G3BP2: variants seen among roughly 807,000 people sequenced by gnomAD.
G3BP2 encodes the protein ras GTPase-activating protein-binding protein 2.
Under a neutral mutation model 56.7 loss-of-function variants are expected in G3BP2, and 11 were observed. That is an observed-to-expected ratio of 0.19 (90% CI 0.12 to 0.32). The LOEUF (loss-of-function observed/expected upper bound fraction) is 0.32, where lower values mean the gene tolerates loss of function less well. Ranked by LOEUF, G3BP2 falls within the 10% of genes least tolerant of loss-of-function variation. The pLI, the probability that G3BP2 is intolerant of heterozygous loss-of-function variation, is 1.00. For missense variants in G3BP2, 340 were observed against 610.9 expected (o/e 0.56, Z 4.67); for synonymous variants, 165 against 191.6 (o/e 0.86, Z 1.15).
At chr4:75,721,601 A>T (rs551562379) in intron 2 of G3BP2, among the ~76,000 whole-genome samples, 1 of 152,264 alleles carries the variant, frequency 6.6e-6, no homozygotes, top group East Asian at 1.9e-4. Context: ...CCAAAATAAT[A>T]AATAAATAAA....
At chr4:75,701,607 T>C (rs1483714106) in intron 3 of G3BP2, among the ~76,000 whole-genome samples, 1 of 152,110 alleles carries the variant, frequency 6.6e-6, no homozygotes, top group East Asian at 1.9e-4. Context: ...TTTGTATTTT[T>C]AGTAGGGATG....
At chr4:75,711,650 C>A (rs6857983) in intron 3 of G3BP2, among the ~76,000 whole-genome samples, 23,062 of 151,280 alleles carry the variant, frequency 0.15, 2,426 homozygotes, top group African/African-American at 0.3. Flanking sequence ...GAGGCGGAAG[C>A]TGCAGTGAGC....
chr4:75,678,906 G>A (rs189072386), intron 3 of G3BP2, among the ~76,000 whole-genome samples: 11 of 152,326 alleles, frequency 7.2e-5, no homozygotes, highest in Admixed American at 6.5e-4. Context: ...GGCACTTAAT[G>A]TTTGGTTCTT....
At chr4:75,663,795 G>C (rs1732763514) in intron 1 of G3BP2, among the ~76,000 whole-genome samples, 1 of 8,540 alleles carries the variant, frequency 1.2e-4, no homozygotes, top group Admixed American at 1.2e-3. Context: ...GGAGGCGGAG[G>C]TTGCAGTGAA....
chr4:75,720,145 T>C (rs957139483), intron 3 of G3BP2, among the ~76,000 whole-genome samples: 1 of 151,196 alleles, frequency 6.6e-6, no homozygotes, highest in Non-Finnish European at 1.5e-5. Flanking sequence ...GCTGGAATGA[T>C]AGGCCACCAC....
chr4:75,647,412 A>T (rs1403169506), intron 9 of G3BP2, among the ~76,000 whole-genome samples: 1 of 152,236 alleles, frequency 6.6e-6, no homozygotes, highest in Non-Finnish European at 1.5e-5. Flanking sequence ...ACAAAAATCA[A>T]ATATTAGTAC....
chr4:75,652,240 G>A (rs1275150472), intron 8 of G3BP2, among the ~76,000 whole-genome samples: 3 of 152,148 alleles, frequency 2.0e-5, no homozygotes, highest in African/African-American at 4.8e-5. Context: ...AAGAGACTAG[G>A]ATTTAATCAG....
intron 3 of G3BP2, among the ~76,000 whole-genome samples, chr4:75,679,787 C>T (rs775615249): frequency 1.6e-4 from 25 of 152,278 alleles, no homozygotes; most frequent in Admixed American, 3.9e-4. Flanking sequence ...TGAATTCTAA[C>T]GGATTCCATT....
At chr4:75,681,932 GT>G (rs1393636765) in intron 3 of G3BP2, among the ~76,000 whole-genome samples, 5 of 152,050 alleles carry the variant, frequency 3.3e-5, no homozygotes, top group African/African-American at 1.2e-4. Context: ...TAAAGTAAGG[GT>G]TACCTGAACA....
At chr4:75,691,778 T>C (rs986901875) in intron 3 of G3BP2, among the ~76,000 whole-genome samples, 2 of 152,136 alleles carry the variant, frequency 1.3e-5, no homozygotes, top group African/African-American at 2.4e-5. Flanking sequence ...GGGTGCAATA[T>C]AGGTATACAA....
In G3BP2 at chr4:75,648,744, A is replaced by G. The variant is rs1245057829; in HGVS notation, c.826-3T>C. ...TCTGGTTTAGCTTCGACTCTTGGCT[A>G]AAATATAAAGAAAAAAAAACATTAT... On this transcript the variant is annotated splice_region_variant and splice_polypyrimidine_tract_variant and intron_variant, in intron 8 of 11. Coordinates refer to ENST00000359707, the MANE Select transcript of G3BP2 (RefSeq NM_203505.3). 6.3e-7 allele frequency: 1 copy of G among 1,581,708 alleles called. No homozygotes were observed. Among genetic ancestry groups the G allele is most frequent in the South Asian group, 1.1e-5 (1 of 89,590 alleles).
At chr4:75,690,446 A>G (rs1718806296) in intron 3 of G3BP2, among the ~76,000 whole-genome samples, 1 of 151,740 alleles carries the variant, frequency 6.6e-6, no homozygotes, top group Non-Finnish European at 1.5e-5. Context: ...AAAAAAAAAA[A>G]GAAAAGAAAA....
At chr4:75,677,409 A>G (rs556160613), upstream of G3BP2, among the ~76,000 whole-genome samples, 10 of 151,930 alleles carry the variant, frequency 6.6e-5, no homozygotes, top group Non-Finnish European at 1.5e-4. Context: ...CGTCTCTACT[A>G]AAAATACAAA....
rs187222061 is a variant in G3BP2, at chr4:75,707,342, G to A, written c.-25+13535C>T. The stretch of plus-strand genomic sequence containing the variant: ...GTCTACAACACTTAAGACAATTATC[G>A]GCAGCGCCGTGGCTCACGCTTGTAA... On this transcript the variant is annotated intron_variant, in intron 3 of 3. Coordinates refer to the G3BP2 transcript ENST00000499709. 2.4e-4 allele frequency among the ~76,000 whole-genome samples: 37 copies of A among 151,994 alleles called. No homozygotes were observed. In the South Asian group the frequency reaches 7.1e-3, roughly 29 times the overall value.
intron 3 of G3BP2, among the ~76,000 whole-genome samples, chr4:75,682,014 A>G (rs566744620): frequency 2.6e-5 from 4 of 152,306 alleles, no homozygotes; most frequent in East Asian, 1.9e-4. Context: ...CAGAGGGTAG[A>G]GCAGACAGCA....
At chr4:75,656,268 G>T (rs540615224) in intron 5 of G3BP2, among the ~76,000 whole-genome samples, 1 of 149,246 alleles carries the variant, frequency 6.7e-6, no homozygotes, top group African/African-American at 2.5e-5. Context: ...CTGGGATTCC[G>T]GGCATGAGCC....
intron 8 of G3BP2, chr4:75,649,178 G>GT (rs1731479207): frequency 6.4e-6 from 1 of 157,174 alleles, no homozygotes; most frequent in African/African-American, 2.4e-5. Flanking sequence ...TCCTTCAAAT[G>GT]TAACAGTGCT....
At chr4:75,678,856 T>A (rs1733973763) in intron 3 of G3BP2, among the ~76,000 whole-genome samples, 1 of 152,210 alleles carries the variant, frequency 6.6e-6, no homozygotes, top group East Asian at 1.9e-4. Context: ...GTAAAACATT[T>A]TAACAGTGTC....
chr4:75,659,059 T>C (rs1244291605), intron 2 of G3BP2, 135 bp from the exon 3 acceptor site: 6 of 681,526 alleles, frequency 8.8e-6, no homozygotes, highest in African/African-American at 1.8e-5. Flanking sequence ...GGTAAGTTAC[T>C]TAAGGTCTTC....
Sources: allele counts gnomAD v4.1 joint callset (sites outside exome capture counted in the v4.1 genomes callset), GRCh38; gene constraint gnomAD v4.1.1; transcripts MANE v1.5; gene names NCBI Gene and HGNC (gene_info 2026-07-23, HGNC 2026-07-21).